Variants in PALM2AKAP2 observed in about 807,000 individuals in gnomAD.
PALM2AKAP2 encodes PALM2 and AKAP2 fusion, also known as PALM2-AKAP2 fusion protein.
Under a neutral mutation model 71.5 loss-of-function variants are expected in PALM2AKAP2, and 37 were observed. The ratio of observed to expected loss-of-function variants is 0.52; its 90% CI spans 0.40 to 0.68. The LOEUF (loss-of-function observed/expected upper bound fraction) is 0.68, where lower values mean the gene tolerates loss of function less well. PALM2AKAP2 is among the 30% of genes least tolerant of loss of function. The pLI, the probability that PALM2AKAP2 is intolerant of heterozygous loss-of-function variation, is 0.00. For synonymous variants in PALM2AKAP2, 468 were observed against 478.8 expected, an observed-to-expected ratio of 0.98 and a Z score of 0.29; for missense variants, 1,224 against 1,191.8, an observed-to-expected ratio of 1.03 and a Z score of -0.40.
intron 1 of PALM2AKAP2, among the ~76,000 whole-genome samples, chr9:109,825,606 T>C (rs1293616647): frequency 1.3e-5 from 2 of 152,058 alleles, no homozygotes; most frequent in African/African-American, 4.8e-5. Flanking sequence ...AAAAGACACA[T>C]GAAAAAATGC....
chr9:109,936,614 C>A (rs1831223669), intron 6 of PALM2AKAP2, among the ~76,000 whole-genome samples: 1 of 152,126 alleles, frequency 6.6e-6, no homozygotes, highest in Admixed American at 6.5e-5. Context: ...CTGAGATGAC[C>A]CTGACCCCCC....
intron 1 of PALM2AKAP2, among the ~76,000 whole-genome samples, chr9:109,733,262 G>A (rs552825592): frequency 4.6e-5 from 7 of 152,300 alleles, no homozygotes; most frequent in Admixed American, 6.5e-5. Flanking sequence ...AAAGAGGGTC[G>A]TTGGGGAGAA....
chr9:109,813,664 G>T (rs1827780183), intron 1 of PALM2AKAP2, among the ~76,000 whole-genome samples: 1 of 152,106 alleles, frequency 6.6e-6, no homozygotes, highest in African/African-American at 2.4e-5. Context: ...AGGTTTAGGG[G>T]CCTGCATTTA....
At chr9:109,970,795 G>T (rs2132152538) in intron 6 of PALM2AKAP2, among the ~76,000 whole-genome samples, 1 of 152,324 alleles carries the variant, frequency 6.6e-6, no homozygotes, top group Non-Finnish European at 1.5e-5. Flanking sequence ...TTGGAAAATA[G>T]TAAGTGCCTG....
Position 109,946,178 on chromosome 9 carries a change from C to G in PALM2AKAP2, c.496+14150C>G, listed in dbSNP as rs373811362. 116 of 152,322 alleles carry G rather than the reference C, an allele frequency of 7.6e-4. 1 individual carries two copies. The highest frequency in any genetic ancestry group is 2.5e-3 in the African/African-American group (105 of 41,574). The allele number at this position is 152,322 out of a possible 1,614,324, so 9.4% of individuals were successfully genotyped here. ...CCACCTATAGCAGCAAGTAACTACC[C>G]TTCATGATGATAGTGTACATGGAGC... On this transcript the variant is annotated intron_variant, in intron 6 of 9. Transcript: ENST00000302798.
chr9:109,646,171 T>C (rs1827150685), intron 1 of PALM2AKAP2, among the ~76,000 whole-genome samples: 1 of 152,180 alleles, frequency 6.6e-6, no homozygotes. Flanking sequence ...TTCTGTACCA[T>C]GTCAGTGTTC....
At chr9:110,131,987 A>G (rs989575894) in intron 1 of PALM2AKAP2, among the ~76,000 whole-genome samples, 6 of 151,828 alleles carry the variant, frequency 4.0e-5, no homozygotes, top group African/African-American at 1.5e-4. Flanking sequence ...AATCATCCCA[A>G]ATTACACTGG....
At chr9:109,904,925 C>A (rs1427234952) in intron 3 of PALM2AKAP2, among the ~76,000 whole-genome samples, 6 of 152,158 alleles carry the variant, frequency 3.9e-5, no homozygotes. Context: ...CACTTCTGTG[C>A]TGTAAAAGGG....
intron 1 of PALM2AKAP2, among the ~76,000 whole-genome samples, chr9:109,663,785 G>A (rs1183174313): frequency 1.3e-5 from 2 of 152,082 alleles, no homozygotes; most frequent in African/African-American, 4.8e-5. Flanking sequence ...TTGACAGTGG[G>A]GTGTTATAGT....
chr9:109,895,728 G>C (rs1238825482), intron 3 of PALM2AKAP2, among the ~76,000 whole-genome samples: 1 of 152,170 alleles, frequency 6.6e-6, no homozygotes, highest in Non-Finnish European at 1.5e-5. Context: ...TTCTCACAGT[G>C]CTAATAAAGA....
chr9:109,951,461 CT>C (rs1831639878), intron 6 of PALM2AKAP2, among the ~76,000 whole-genome samples: 1 of 152,226 alleles, frequency 6.6e-6, no homozygotes, highest in Admixed American at 6.5e-5. Context: ...AATAAACTGC[CT>C]TTTCACTGCA....
intron 1 of PALM2AKAP2, among the ~76,000 whole-genome samples, chr9:110,124,096 G>A (rs983457727): frequency 6.6e-6 from 1 of 152,188 alleles, no homozygotes; most frequent in East Asian, 1.9e-4. Flanking sequence ...TTAGCATATG[G>A]AAAATGTTGT....
chr9:109,778,530 G>T (rs1829380484), upstream of PALM2AKAP2, among the ~76,000 whole-genome samples: 1 of 152,194 alleles, frequency 6.6e-6, no homozygotes, highest in Non-Finnish European at 1.5e-5. Flanking sequence ...TATTGGAGTG[G>T]GATGTAGAAT....
intron 1 of PALM2AKAP2, among the ~76,000 whole-genome samples, chr9:109,648,348 A>T (rs1827180855): frequency 6.6e-6 from 1 of 152,230 alleles, no homozygotes; most frequent in African/African-American, 2.4e-5. Flanking sequence ...ATTTGAACAT[A>T]ATTCTCTTAA....
chr9:109,666,593 T>C (rs185410218), intron 1 of PALM2AKAP2, among the ~76,000 whole-genome samples: 1 of 152,320 alleles, frequency 6.6e-6, no homozygotes, highest in East Asian at 1.9e-4. Context: ...TCAGTTCTGG[T>C]GGGCTGACTC....
At chr9:109,984,791 A>C (rs1042760122) in intron 6 of PALM2AKAP2, among the ~76,000 whole-genome samples, 3 of 151,068 alleles carry the variant, frequency 2.0e-5, no homozygotes, top group Non-Finnish European at 4.4e-5. Flanking sequence ...GGATCACTTG[A>C]CCCCAGGAGT....
In PALM2AKAP2 at chr9:110,141,375, A is replaced by G. The variant is rs563470093; in HGVS notation, c.2569+2836A>G. Among the ~76,000 whole-genome samples, 5 of 152,368 alleles carry G rather than the reference A, an allele frequency of 3.3e-5. No individual in the cohort carries two copies. The East Asian group carries it at 9.6e-4, about 29-fold the overall frequency. On this transcript the variant is annotated intron_variant, in intron 2 of 3. Coordinates refer to ENST00000374525, the Ensembl canonical transcript of PALM2AKAP2. ...TCTTGATGTCGTATTGAGTACAATCATGATAATGATATGCATACATGTCAT... is the reference window on the plus strand; with the variant it reads ...TCTTGATGTCGTATTGAGTACAATCGTGATAATGATATGCATACATGTCAT...
At position 109,837,950 on chromosome 9, in the gene PALM2AKAP2, A is replaced by G. The variant is rs540820871; in HGVS notation, c.46-29541A>G. On this transcript the variant is annotated intron_variant, in intron 1 of 9. Coordinates refer to the PALM2AKAP2 transcript ENST00000302798. ...TAATGGGAGACTTTAACACCCCACTATCAACATTAGACAGATAACGAGACA... is the reference window on the plus strand; with the variant it reads ...TAATGGGAGACTTTAACACCCCACTGTCAACATTAGACAGATAACGAGACA... 2.8e-3 allele frequency among the ~76,000 whole-genome samples: 422 copies of G among 152,218 alleles called. 3 individuals are homozygous for G. The highest frequency in any genetic ancestry group is 8.9e-3 in the South Asian group (43 of 4,830).
intron 1 of PALM2AKAP2, among the ~76,000 whole-genome samples, chr9:109,738,933 AAATTGTTTCCG>A (rs1372114823): frequency 1.3e-5 from 2 of 152,366 alleles, no homozygotes; most frequent in East Asian, 3.9e-4. Context: ...AAAGGTTCAA[AAATTGTTTCCG>A]AACTCTCAGA....
Sources: gnomAD v4.1 joint callset for allele counts (sites outside exome capture counted in the v4.1 genomes callset) on GRCh38, gnomAD v4.1.1 for gene constraint, MANE v1.5 for transcripts, NCBI Gene and HGNC (gene_info 2026-07-23, HGNC 2026-07-21) for gene names.